CUX1: variants seen among roughly 807,000 people sequenced by gnomAD.
CUX1 encodes protein CASP.
Under a neutral mutation model 158.8 loss-of-function variants are expected in CUX1, and 31 were observed. The observed-to-expected ratio is 0.20, with a 90% CI of 0.15 to 0.26. The LOEUF (loss-of-function observed/expected upper bound fraction) is 0.26, where lower values mean the gene tolerates loss of function less well. CUX1 is among the 10% of genes least tolerant of loss of function. CUX1 has a pLI of 1.00. For synonymous variants in CUX1, 879 were observed against 862.1 expected, an observed-to-expected ratio of 1.02 and a Z score of -0.34; for missense variants, 1,589 against 2,014.6, an observed-to-expected ratio of 0.79 and a Z score of 4.04.
At chr7:101,908,253 A>G (rs1025050322) in intron 1 of CUX1, among the ~76,000 whole-genome samples, 1 of 152,198 alleles carries the variant, frequency 6.6e-6, no homozygotes, top group Non-Finnish European at 1.5e-5. Flanking sequence ...TTACACTTCC[A>G]TTACTGAGCA....
chr7:102,017,656 G>A (rs1223733072), intron 2 of CUX1, among the ~76,000 whole-genome samples: 1 of 152,200 alleles, frequency 6.6e-6, no homozygotes, highest in Non-Finnish European at 1.5e-5. Flanking sequence ...GATCAGCCTG[G>A]CCAACATGGA....
intron 2 of CUX1, among the ~76,000 whole-genome samples, chr7:101,976,549 T>C (rs1197594904): frequency 1.3e-5 from 2 of 152,186 alleles, no homozygotes; most frequent in Non-Finnish European, 2.9e-5. Context: ...CCTGAGGGCT[T>C]TCCAGAGAGC....
intron 3 of CUX1, among the ~76,000 whole-genome samples, chr7:102,028,783 G>T (rs1444586894): frequency 3.9e-5 from 6 of 152,194 alleles, no homozygotes; most frequent in Non-Finnish European, 8.8e-5. Flanking sequence ...CCACGTGAGT[G>T]ACACTCTTTG....
chr7:102,087,457 G>A lies in CUX1; in HGVS notation c.269-9907G>A, dbSNP rs1381123476. Among the ~76,000 whole-genome samples, 8 of 152,244 alleles carry A rather than the reference G, an allele frequency of 5.3e-5. No individual in the cohort carries two copies. The East Asian group carries it at 1.3e-3, about 26-fold the overall frequency. On this transcript the variant is annotated intron_variant, in intron 4 of 23. Coordinates refer to ENST00000292535, the MANE Select transcript of CUX1 (RefSeq NM_181552.4). ...TAGCTGGGCGTGGTGGCACATGCCT[G>A]TAATCCTAGCTACTCAGGAGGCTGA...
At chr7:101,991,511 C>T (rs1236696434) in intron 2 of CUX1, among the ~76,000 whole-genome samples, 1 of 152,180 alleles carries the variant, frequency 6.6e-6, no homozygotes, top group Non-Finnish European at 1.5e-5. Flanking sequence ...GTAATCACAG[C>T]ACTTTGGGTG....
At chr7:102,227,739 G>T in intron 21 of CUX1, 70 bp downstream of exon 21, 1 of 1,500,834 alleles carries the variant, frequency 6.7e-7, no homozygotes, top group South Asian at 1.2e-5. Flanking sequence ...GTGAAGGGCG[G>T]GCCCTAGGCC....
At chr7:101,972,825 G>C (rs539504696) in intron 2 of CUX1, among the ~76,000 whole-genome samples, 1 of 152,186 alleles carries the variant, frequency 6.6e-6, no homozygotes, top group Non-Finnish European at 1.5e-5. Flanking sequence ...AGCTCGCCGC[G>C]TGGTAACCAA....
chr7:101,946,261 G>A, intron 2 of CUX1, among the ~76,000 whole-genome samples: 1 of 152,114 alleles, frequency 6.6e-6, no homozygotes, highest in East Asian at 1.9e-4. Context: ...AGGGTTTGCT[G>A]GGCTCGATGG....
At chr7:102,192,925 G>A (rs782363762) in intron 12 of CUX1, among the ~76,000 whole-genome samples, 1 of 152,180 alleles carries the variant, frequency 6.6e-6, no homozygotes, top group Non-Finnish European at 1.5e-5. Flanking sequence ...TAATAATCCT[G>A]GGGACCTGGA....
At chr7:101,963,510 G>A (rs142297045) in intron 2 of CUX1, among the ~76,000 whole-genome samples, 4 of 152,336 alleles carry the variant, frequency 2.6e-5, no homozygotes, top group East Asian at 3.9e-4. Context: ...CTGCTGGTTA[G>A]TAGGGTGGGA....
In CUX1 at chr7:101,885,696, C is replaced by T. The variant is rs189851664; in HGVS notation, c.31-30419C>T. ...CCCAGTTCCCCGAGCACAGAGCAGG[C>T]ATGGCCTCGGACGACTTCCTCTTTG... On this transcript the variant is annotated intron_variant, in intron 1 of 23. Coordinates refer to ENST00000292535, the MANE Select transcript of CUX1 (RefSeq NM_181552.4). Among the ~76,000 whole-genome samples the T allele has an allele frequency of 3.3e-3, 510 of 152,348 alleles. 1 individual carries two copies. Among genetic ancestry groups the T allele is most frequent in the Non-Finnish European group, 5.3e-3 (359 of 68,036 alleles).
chr7:101,996,418 G>T (rs959560734), intron 2 of CUX1, among the ~76,000 whole-genome samples: 1 of 152,006 alleles, frequency 6.6e-6, no homozygotes, highest in Non-Finnish European at 1.5e-5. Context: ...GCCTGCAGGT[G>T]GTCCGGCCCT....
chr7:101,921,213 A>G (rs1804876587), intron 2 of CUX1, among the ~76,000 whole-genome samples: 2 of 152,190 alleles, frequency 1.3e-5, no homozygotes, highest in Admixed American at 6.5e-5. Context: ...TCTGTCATCT[A>G]TAAATAATGT....
chr7:102,119,804 C>T (rs534678689), intron 8 of CUX1, among the ~76,000 whole-genome samples: 11 of 152,256 alleles, frequency 7.2e-5, no homozygotes, highest in Non-Finnish European at 1.2e-4. Flanking sequence ...GTCTTAGCCT[C>T]TCAAAGTGCT....
intron 3 of CUX1, among the ~76,000 whole-genome samples, chr7:102,053,915 C>T (rs1451600078): frequency 6.6e-6 from 1 of 151,176 alleles, no homozygotes; most frequent in Non-Finnish European, 1.5e-5. Context: ...GAGCCATTCT[C>T]CTGCCTCAGA....
chr7:102,242,141 C>G (rs1442237367), intron 23 of CUX1, among the ~76,000 whole-genome samples: 1 of 151,414 alleles, frequency 6.6e-6, no homozygotes, highest in African/African-American at 2.4e-5. Flanking sequence ...GAAACGTGGA[C>G]AGGGGTTTCC....
chr7:102,065,854 G>C (rs1281875000), intron 3 of CUX1, among the ~76,000 whole-genome samples: 1 of 150,270 alleles, frequency 6.7e-6, no homozygotes, highest in Non-Finnish European at 1.5e-5. Context: ...GCAGTGGCGT[G>C]ATCTCGGCTC....
At chr7:101,861,908 C>G (rs956228465) in intron 1 of CUX1, among the ~76,000 whole-genome samples, 65 of 151,920 alleles carry the variant, frequency 4.3e-4, no homozygotes, top group Non-Finnish European at 1.9e-4. Flanking sequence ...AATCTCGGCT[C>G]ACTACAACCT....
chr7:102,031,972 G>A, intron 3 of CUX1, among the ~76,000 whole-genome samples: 1 of 150,256 alleles, frequency 6.7e-6, no homozygotes, highest in Non-Finnish European at 1.5e-5. Flanking sequence ...CACCCAGGGT[G>A]GAGAGCAGGG....
Sources: allele counts gnomAD v4.1 joint callset (sites outside exome capture counted in the v4.1 genomes callset), GRCh38; gene constraint gnomAD v4.1.1; transcripts MANE v1.5; gene names NCBI Gene and HGNC (gene_info 2026-07-23, HGNC 2026-07-21).